Variants in RP1 observed in about 807,000 individuals in gnomAD.
RP1 encodes oxygen-regulated protein 1.
RP1 carries 16 observed loss-of-function variants against 14.8 expected under a neutral mutation model. The ratio of observed to expected loss-of-function variants is 1.08; its 90% CI spans 0.73 to 1.65. The LOEUF is 1.65. Among genes scored for constraint, RP1 ranks in the 40% most tolerant of loss-of-function variants. The pLI, the probability that RP1 is intolerant of heterozygous loss-of-function variation, is 0.00. For missense variants in RP1, 2,631 were observed against 2,535.0 expected (o/e 1.04, Z -0.81); for synonymous variants, 876 against 883.6 (o/e 0.99, Z 0.15).
In RP1 at chr8:54,619,333, A is replaced by G. The variant is rs138703247; in HGVS notation, c.-12-1622A>G. Among the ~76,000 whole-genome samples the G allele has an allele frequency of 2.2e-4, 33 of 152,288 alleles. No homozygotes were observed. The East Asian group carries it at 6.4e-3, about 29-fold the overall frequency. On this transcript the variant is annotated intron_variant, in intron 1 of 3. Coordinates refer to ENST00000220676, the MANE Select transcript of RP1 (RefSeq NM_006269.2). ...CAGCTTGCAAACATTTAAGTAGATA[A>G]TTTGGGCCAGGTTTATAGCTGATTT...
intron 17 of RP1, among the ~76,000 whole-genome samples, chr8:54,733,837 A>T (rs181281695): frequency 2.0e-4 from 30 of 152,296 alleles, no homozygotes. Context: ...CACAGGCGAA[A>T]GGGAGTGTGA....
Position 54,625,231 on chromosome 8 carries a change from C to A in RP1, c.1349C>A (p.Pro450His). ...GCAAAGCATCGTTTTTATAGGCCCCCTACACCTGGACTAAGAAGAGTGAGA... is the reference window on the plus strand; with the variant it reads ...GCAAAGCATCGTTTTTATAGGCCCCATACACCTGGACTAAGAAGAGTGAGA... ...DQAKHRFYRP[P>H]TPGLRRVRQK... The change falls in exon 4 of 4, where the codon CCT becomes CAT. Residue 450 changes from proline (P) to histidine (H), a missense_variant. Transcript: ENST00000220676. 1 of 1,614,118 alleles carries A rather than the reference C, an allele frequency of 6.2e-7. No individual in the cohort carries two copies.
intron 26 of RP1, chr8:54,852,758 A>G (rs1156377133): frequency 2.4e-6 from 3 of 1,229,666 alleles, no homozygotes; most frequent in East Asian, 3.2e-5. Context: ...ATCAGTTTTT[A>G]CCGACTATCG....
chr8:54,734,686 G>A (rs187409809), exon 18 of RP1: 1 of 1,535,780 alleles, frequency 6.5e-7, no homozygotes, highest in Admixed American at 2.0e-5. Context: ...GGGCCAATAA[G>A]TCTTCGCAAG....
intron 24 of RP1, among the ~76,000 whole-genome samples, chr8:54,789,877 T>C (rs1810418524): frequency 2.0e-5 from 3 of 152,142 alleles, no homozygotes; most frequent in African/African-American, 7.2e-5. Flanking sequence ...AGACACAGCC[T>C]TGACCCTACC....
intron 1 of RP1, among the ~76,000 whole-genome samples, chr8:54,597,935 C>T (rs546060734): frequency 1.3e-5 from 2 of 152,034 alleles, no homozygotes; most frequent in African/African-American, 4.8e-5. Context: ...TCTGTAACCA[C>T]CACCACAAGA....
In RP1 at chr8:54,820,783, T is replaced by C. The variant is rs531142869; in HGVS notation, c.3616-16667T>C. ...GTTCTTATGATGGTGTTTTCTTGTG[T>C]GGCTGGTTGTTCAATTTGGTGTTCC... On this transcript the variant is annotated intron_variant, in intron 24 of 28. Transcript: ENST00000637698. 3.9e-5 allele frequency among the ~76,000 whole-genome samples: 6 copies of C among 152,258 alleles called. No individual in the cohort carries two copies. The East Asian group carries it at 1.2e-3, about 30-fold the overall frequency.
intron 4 of RP1, among the ~76,000 whole-genome samples, chr8:54,650,308 A>G (rs1435632560): frequency 6.6e-5 from 10 of 152,222 alleles, no homozygotes. Flanking sequence ...GCCAATTTTG[A>G]TCACAGTTTC....
chr8:54,849,726 T>G (rs1169237666), intron 25 of RP1, among the ~76,000 whole-genome samples: 2 of 152,212 alleles, frequency 1.3e-5, no homozygotes, highest in African/African-American at 4.8e-5. Flanking sequence ...ATCTTATTTA[T>G]GTAGTCTGCA....
chr8:54,670,707 A>ATATATAT (rs1365647124), intron 7 of RP1, among the ~76,000 whole-genome samples: 258 of 130,756 alleles, frequency 2.0e-3, no homozygotes, highest in African/African-American at 4.9e-3. Flanking sequence ...ATATATATAT[A>ATATATAT]AAACATTAAG....
chr8:54,815,613 C>G (rs1811118985), intron 24 of RP1, among the ~76,000 whole-genome samples: 1 of 152,288 alleles, frequency 6.6e-6, no homozygotes, highest in Admixed American at 6.5e-5. Context: ...TAATGGCAGA[C>G]AGATGGGTTG....
chr8:54,630,618 A>G lies in RP1; in HGVS notation c.*265A>G, dbSNP rs892744535. ...AACTTACATTTTTTTTTTTTTTGGT[A>G]TCTATGATTTTTTTTGCTCAGGGCA... On this transcript the variant is annotated 3_prime_UTR_variant, in exon 4 of 4. Transcript: ENST00000220676. 8 of 1,015,022 alleles carry G rather than the reference A, an allele frequency of 7.9e-6. No homozygotes were observed. The highest frequency in any genetic ancestry group is 6.3e-5 in the South Asian group (3 of 47,580). 62.9% of individuals were successfully genotyped at this position (1,015,022 alleles called of 1,614,324 possible). A position where few individuals can be genotyped will look rare whatever the true frequency, so the allele number is the denominator to read the frequency against.
intron 24 of RP1, among the ~76,000 whole-genome samples, chr8:54,814,815 A>G (rs1811098442): frequency 1.3e-5 from 2 of 152,206 alleles, no homozygotes; most frequent in Non-Finnish European, 2.9e-5. Context: ...TGCCTAAAAA[A>G]TAAAAAAAGC....
downstream of RP1, among the ~76,000 whole-genome samples, chr8:54,635,280 T>G (rs1236362292): frequency 1.3e-5 from 2 of 152,156 alleles, no homozygotes; most frequent in African/African-American, 4.8e-5. Context: ...GTAGAAATCA[T>G]TTAGCTGCTT....
rs117391483 is a variant in RP1, at chr8:54,664,017, A to G, written c.1323+167A>G. Among the ~76,000 whole-genome samples the G allele has an allele frequency of 2.3e-3, 357 of 152,274 alleles. 4 individuals are homozygous for G. Among genetic ancestry groups the G allele is most frequent in the Non-Finnish European group, 4.2e-3 (286 of 68,030 alleles). The stretch of plus-strand genomic sequence containing the variant: ...TCATCAGAACTTTTTCATCTTCCAA[A>G]ATAGGTAATCTAATAATTAACAACT... On this transcript the variant is annotated intron_variant, in intron 7 of 22. Coordinates refer to the RP1 transcript ENST00000636932.
chr8:54,678,680 C>T (rs1585599908), intron 9 of RP1: 2 of 599,202 alleles, frequency 3.3e-6, no homozygotes, highest in Non-Finnish European at 5.8e-6. Flanking sequence ...TTTAGTGGCT[C>T]TTTATGCTAT....
chr8:54,788,699 T>C (rs1211482879), intron 24 of RP1, among the ~76,000 whole-genome samples: 1 of 152,234 alleles, frequency 6.6e-6, no homozygotes, highest in Non-Finnish European at 1.5e-5. Flanking sequence ...TATAGATACT[T>C]ATTAAGAAAA....
intron 22 of RP1, chr8:54,769,647 G>GAATCA (rs1809853144): frequency 1.1e-6 from 1 of 903,132 alleles, no homozygotes; most frequent in Non-Finnish European, 1.7e-6. Flanking sequence ...AATTAATGCA[G>GAATCA]AATCAACCTT....
At chr8:54,731,267 G>C (rs1316049856) in intron 17 of RP1, among the ~76,000 whole-genome samples, 1 of 152,068 alleles carries the variant, frequency 6.6e-6, no homozygotes, top group Admixed American at 6.5e-5. Context: ...AACCTGATTG[G>C]TGTTTAATTA....
Sources: allele counts gnomAD v4.1 joint callset (sites outside exome capture counted in the v4.1 genomes callset), GRCh38; gene constraint gnomAD v4.1.1; transcripts MANE v1.5; gene names NCBI Gene and HGNC (gene_info 2026-07-23, HGNC 2026-07-21).